Variants in MROH9 observed in about 807,000 individuals in gnomAD.
MROH9 encodes maestro heat-like repeat-containing protein family member 9.
MROH9 carries 92 observed loss-of-function variants against 98.2 expected under a neutral mutation model. The ratio of observed to expected loss-of-function variants is 0.94; its 90% CI spans 0.79 to 1.11. The LOEUF is 1.11. Among genes scored for constraint, MROH9 ranks in the 50% most tolerant of loss-of-function variants. The pLI is 0.00. For synonymous variants in MROH9, 397 were observed against 368.9 expected, an observed-to-expected ratio of 1.08 and a Z score of -0.87; for missense variants, 1,057 against 1,014.8, an observed-to-expected ratio of 1.04 and a Z score of -0.57.
At chr1:171,053,469 T>C (rs1418033229) in intron 20 of MROH9, among the ~76,000 whole-genome samples, 1 of 152,216 alleles carries the variant, frequency 6.6e-6, no homozygotes, top group Non-Finnish European at 1.5e-5. Flanking sequence ...TTAGCTTAAC[T>C]GCCTGGTGGA....
intron 8 of MROH9, among the ~76,000 whole-genome samples, chr1:170,974,476 C>T (rs1429968551): frequency 6.6e-6 from 1 of 151,220 alleles, no homozygotes; most frequent in Non-Finnish European, 1.5e-5. Context: ...GATTTCTCAC[C>T]AGAAATGACA....
chr1:171,049,913 C>T (rs1653610871), intron 20 of MROH9, among the ~76,000 whole-genome samples: 1 of 152,114 alleles, frequency 6.6e-6, no homozygotes, highest in Admixed American at 6.5e-5. Flanking sequence ...AACTCTTGGG[C>T]TCAAGCAATC....
intron 19 of MROH9, among the ~76,000 whole-genome samples, chr1:171,025,042 A>G (rs1293515321): frequency 6.6e-6 from 1 of 152,160 alleles, no homozygotes; most frequent in Non-Finnish European, 1.5e-5. Context: ...AACATCCCAG[A>G]TCACAAAAAA....
At chr1:170,977,458 T>C (rs1650747977) in intron 8 of MROH9, among the ~76,000 whole-genome samples, 1 of 152,210 alleles carries the variant, frequency 6.6e-6, no homozygotes, top group Admixed American at 6.5e-5. Flanking sequence ...TGTATCTGAC[T>C]TCTCATCTTT....
intron 11 of MROH9, among the ~76,000 whole-genome samples, chr1:170,990,554 C>A (rs1651319234): frequency 6.6e-6 from 1 of 152,072 alleles, no homozygotes; most frequent in Admixed American, 6.6e-5. Flanking sequence ...ACAATATGAA[C>A]CTAACAGGCA....
intron 20 of MROH9, among the ~76,000 whole-genome samples, chr1:171,038,240 C>CAA (rs201551315): frequency 6.6e-6 from 1 of 150,378 alleles, no homozygotes; most frequent in African/African-American, 2.4e-5. Flanking sequence ...AAGTACACAC[C>CAA]AAAAAAAAAT....
chr1:171,018,014 C>G (rs1013385700), intron 17 of MROH9, among the ~76,000 whole-genome samples: 2 of 152,146 alleles, frequency 1.3e-5, no homozygotes, highest in African/African-American at 2.4e-5. Flanking sequence ...GCTTTCCCCC[C>G]AGCAAAGCAC....
intron 15 of MROH9, among the ~76,000 whole-genome samples, chr1:171,011,669 T>G (rs999535854): frequency 6.6e-6 from 1 of 152,178 alleles, no homozygotes; most frequent in Admixed American, 6.5e-5. Context: ...CGCCCAGACA[T>G]GTGTAATGTA....
intron 4 of MROH9, 84 bp from the exon 5 acceptor site, chr1:170,959,378 A>C: frequency 9.2e-7 from 1 of 1,089,102 alleles, no homozygotes; most frequent in Non-Finnish European, 1.2e-6. Flanking sequence ...CTGTCTCAAA[A>C]TAAATAAATA....
intron 20 of MROH9, among the ~76,000 whole-genome samples, chr1:171,036,024 T>C (rs1450688002): frequency 1.3e-5 from 2 of 152,136 alleles, no homozygotes; most frequent in Admixed American, 6.5e-5. Context: ...AATATATTGA[T>C]GTAGATTCAC....
intron 21 of MROH9, among the ~76,000 whole-genome samples, chr1:171,063,613 T>A (rs192895151): frequency 2.4e-4 from 36 of 152,340 alleles, no homozygotes; most frequent in African/African-American, 7.7e-4. Flanking sequence ...TCATAACTGC[T>A]TTTTAACTTT....
chr1:171,058,525 AG>A (rs1186017537), intron 20 of MROH9, among the ~76,000 whole-genome samples: 3 of 152,194 alleles, frequency 2.0e-5, no homozygotes, highest in South Asian at 2.1e-4. Context: ...TGATCAAAAA[AG>A]ATCCCATATG....
chr1:170,954,929 C>T (rs1345660771), intron 3 of MROH9, among the ~76,000 whole-genome samples: 3 of 151,958 alleles, frequency 2.0e-5, no homozygotes, highest in African/African-American at 7.3e-5. Context: ...GCAGTATACA[C>T]TGCAACATAT....
chr1:171,021,598 A>ACATGTGTAAATT (rs1231424802), intron 17 of MROH9, among the ~76,000 whole-genome samples: 1 of 152,008 alleles, frequency 6.6e-6, no homozygotes, highest in African/African-American at 2.4e-5. Flanking sequence ...ACATTAAACA[A>ACATGTGTAAATT]AACTTAACAT....
chr1:170,991,973 C>T (rs368284334), intron 11 of MROH9, among the ~76,000 whole-genome samples, 191 bp from the exon 12 acceptor site: 2 of 152,056 alleles, frequency 1.3e-5, no homozygotes, highest in African/African-American at 4.8e-5. Context: ...TAAATTCTTT[C>T]TCTGTTTTCT....
intron 15 of MROH9, among the ~76,000 whole-genome samples, chr1:171,002,718 T>C (rs751014633): frequency 6.6e-6 from 1 of 152,206 alleles, no homozygotes; most frequent in Non-Finnish European, 1.5e-5. Flanking sequence ...GGTAACCCGA[T>C]GACAATGTGC....
At chr1:170,947,460 A>T in intron 2 of MROH9, 67 bp from the exon 3 acceptor site, 1 of 1,350,174 alleles carries the variant, frequency 7.4e-7, no homozygotes, top group Non-Finnish European at 1.1e-6. Context: ...TTTGGAAATA[A>T]GGCCCCACTA....
chr1:170,982,443 G>A (rs1414651009), intron 8 of MROH9, among the ~76,000 whole-genome samples: 1 of 152,128 alleles, frequency 6.6e-6, no homozygotes, highest in African/African-American at 2.4e-5. Context: ...GGTTGCCTTG[G>A]AGTCAGAGGA....
chr1:171,038,246 A>G (rs1653174156), intron 20 of MROH9, among the ~76,000 whole-genome samples: 1 of 152,158 alleles, frequency 6.6e-6, no homozygotes, highest in South Asian at 2.1e-4. Context: ...ACACCAAAAA[A>G]AAATCATTTG....
Sources: allele counts gnomAD v4.1 joint callset (sites outside exome capture counted in the v4.1 genomes callset), GRCh38; gene constraint gnomAD v4.1.1; transcripts MANE v1.5; gene names NCBI Gene and HGNC (gene_info 2026-07-23, HGNC 2026-07-21).